PRKAG2: variants seen among roughly 807,000 people sequenced by gnomAD.
PRKAG2 encodes the protein 5'-AMP-activated protein kinase subunit gamma-2.
A neutral mutation model predicts 69.6 loss-of-function variants in PRKAG2; 26 were observed. The observed-to-expected ratio is 0.37, with a 90% CI of 0.27 to 0.52. The LOEUF (loss-of-function observed/expected upper bound fraction) is 0.52. PRKAG2 is among the 20% of genes least tolerant of loss of function. The probability of loss-of-function intolerance (pLI) is 0.90; values close to 1 mark genes in which losing one functional copy is unlikely to be tolerated. For synonymous variants in PRKAG2, 293 were observed against 285.0 expected, an observed-to-expected ratio of 1.03 and a Z score of -0.28; for missense variants, 557 against 740.0, an observed-to-expected ratio of 0.75 and a Z score of 2.87.
chr7:151,566,892 T>C (rs1316089879), intron 11 of PRKAG2, among the ~76,000 whole-genome samples: 1 of 152,224 alleles, frequency 6.6e-6, no homozygotes, highest in Non-Finnish European at 1.5e-5. Flanking sequence ...TTAAGTTCTA[T>C]ATTTTTAACT....
At chr7:151,810,931 G>A (rs1345630497) in intron 1 of PRKAG2, 1 of 153,664 alleles carries the variant, frequency 6.5e-6, no homozygotes, top group Non-Finnish European at 1.5e-5. Flanking sequence ...AAGACCATAC[G>A]GACATGCCCA....
chr7:151,574,599 T>C (rs1466990086), intron 8 of PRKAG2, among the ~76,000 whole-genome samples: 1 of 152,210 alleles, frequency 6.6e-6, no homozygotes, highest in Non-Finnish European at 1.5e-5. Context: ...AGCTAATAAA[T>C]ATGTAGAATT....
intron 3 of PRKAG2, among the ~76,000 whole-genome samples, chr7:151,729,062 C>A (rs1798473062): frequency 6.6e-6 from 1 of 151,954 alleles, no homozygotes; most frequent in African/African-American, 2.4e-5. Flanking sequence ...GAGAGCTGGG[C>A]CACTTGTCCA....
At chr7:151,619,192 A>C (rs1361612577) in intron 5 of PRKAG2, among the ~76,000 whole-genome samples, 1 of 152,196 alleles carries the variant, frequency 6.6e-6, no homozygotes, top group Non-Finnish European at 1.5e-5. Context: ...TTAATACATA[A>C]TTAAAGCATC....
At chr7:151,829,790 C>T (rs2078982846) in intron 1 of PRKAG2, among the ~76,000 whole-genome samples, 1 of 151,904 alleles carries the variant, frequency 6.6e-6, no homozygotes, top group Non-Finnish European at 1.5e-5. Flanking sequence ...CATACAATTC[C>T]TTCCGGGGAC....
chr7:151,873,632 C>T (rs1563771837), intron 1 of PRKAG2, among the ~76,000 whole-genome samples: 1 of 152,194 alleles, frequency 6.6e-6, no homozygotes, highest in Non-Finnish European at 1.5e-5. Flanking sequence ...TGAATGAATA[C>T]TACTTTCGCG....
rs1218199134 is a variant in PRKAG2 at position 151,632,336 on chromosome 7, C to T, written c.685-198G>A. 1.7e-5 allele frequency: 11 copies of T among 659,122 alleles called. No individual in the cohort carries two copies. Among genetic ancestry groups the T allele is most frequent in the Non-Finnish European group, 1.9e-5 (10 of 535,036 alleles). 40.8% of individuals were successfully genotyped at this position (659,122 alleles called of 1,614,324 possible). ...ACCCGCCCGAGGCCGCCGCCGCCGC[C>T]GCAGGTGGCGCGGCCGCGGCCCGCG... On this transcript the variant is annotated intron_variant, in intron 4 of 15. Coordinates refer to ENST00000287878, the MANE Select transcript of PRKAG2 (RefSeq NM_016203.4). The surrounding 1 kb of genome is among the most constrained non-coding windows in gnomAD (Gnocchi z 4.2).
intron 3 of PRKAG2, among the ~76,000 whole-genome samples, chr7:151,700,489 G>C (rs1171288208): frequency 6.6e-6 from 1 of 152,218 alleles, no homozygotes; most frequent in Non-Finnish European, 1.5e-5. Flanking sequence ...ATTTTGGCAA[G>C]AATCAGGACC....
intron 3 of PRKAG2, among the ~76,000 whole-genome samples, chr7:151,742,351 C>T: frequency 6.6e-6 from 1 of 152,094 alleles, no homozygotes; most frequent in Non-Finnish European, 1.5e-5. Context: ...TTTAAAAATC[C>T]TGACTGTGGC....
intron 11 of PRKAG2, among the ~76,000 whole-genome samples, chr7:151,566,182 C>G (rs1806220078): frequency 6.6e-6 from 1 of 152,180 alleles, no homozygotes; most frequent in South Asian, 2.1e-4. Context: ...CAGGGAAGAA[C>G]AGGTCTATTT....
intron 3 of PRKAG2, among the ~76,000 whole-genome samples, chr7:151,767,948 CAGAGCCTG>C (rs1214160426): frequency 6.6e-6 from 1 of 152,168 alleles, no homozygotes; most frequent in Non-Finnish European, 1.5e-5. Flanking sequence ...CCTCTAGAAG[CAGAGCCTG>C]AGGCAAGGAT....
chr7:151,849,119 T>A (rs2079509813), intron 1 of PRKAG2, among the ~76,000 whole-genome samples: 1 of 152,186 alleles, frequency 6.6e-6, no homozygotes, highest in African/African-American at 2.4e-5. Context: ...AGGGGCGTGG[T>A]GGAGACCTCG....
chr7:151,722,210 C>T (rs577840576), intron 3 of PRKAG2, among the ~76,000 whole-genome samples: 4 of 152,138 alleles, frequency 2.6e-5, no homozygotes, highest in African/African-American at 9.6e-5. Context: ...TCAGATGTGA[C>T]CAAGACTTTG....
chr7:151,684,664 G>A (rs1487508167), intron 3 of PRKAG2, among the ~76,000 whole-genome samples: 1 of 152,156 alleles, frequency 6.6e-6, no homozygotes, highest in African/African-American at 2.4e-5. Context: ...GGACAGGAGT[G>A]TGACACACCT....
At chr7:151,626,660 T>G (rs1424234738) in intron 5 of PRKAG2, among the ~76,000 whole-genome samples, 2 of 152,058 alleles carry the variant, frequency 1.3e-5, no homozygotes, top group Non-Finnish European at 2.9e-5. Context: ...ACCTGCAAGT[T>G]GACGCTTGGC....
intron 3 of PRKAG2, among the ~76,000 whole-genome samples, chr7:151,684,802 G>A (rs571791489): frequency 2.0e-5 from 3 of 152,190 alleles, no homozygotes; most frequent in Middle Eastern, 6.8e-3. Flanking sequence ...AGGCAGTCCT[G>A]GCCATAGCCA....
chr7:151,822,455 C>T (rs1455750879), intron 1 of PRKAG2, among the ~76,000 whole-genome samples: 2 of 152,210 alleles, frequency 1.3e-5, no homozygotes, highest in African/African-American at 4.8e-5. Context: ...AAGGCAGATG[C>T]GGCCCTGAAG....
intron 6 of PRKAG2, among the ~76,000 whole-genome samples, chr7:151,591,435 T>C (rs746711612): frequency 4.6e-5 from 7 of 152,174 alleles, no homozygotes; most frequent in Non-Finnish European, 7.4e-5. Context: ...GTAGCAGAGC[T>C]CTAGGTGCCT....
chr7:151,570,131 T>A, intron 10 of PRKAG2, 40 bp downstream of exon 10: 1 of 1,579,588 alleles, frequency 6.3e-7, no homozygotes, highest in Non-Finnish European at 8.6e-7. Context: ...AACACATACA[T>A]CTGAATGAAT....
Sources: allele counts gnomAD v4.1 joint callset (sites outside exome capture counted in the v4.1 genomes callset), GRCh38; gene constraint gnomAD v4.1.1; non-coding constraint Gnocchi (gnomAD v3.1); transcripts MANE v1.5; gene names NCBI Gene and HGNC (gene_info 2026-07-23, HGNC 2026-07-21).